Variants in DLC1 observed in about 807,000 individuals in gnomAD.
DLC1 encodes the protein DLC1 Rho GTPase activating protein.
Under a neutral mutation model 140.3 loss-of-function variants are expected in DLC1, and 54 were observed. That is an observed-to-expected ratio of 0.38 (90% confidence interval 0.31 to 0.48). DLC1 has a LOEUF of 0.48. DLC1 is among the 20% of genes least tolerant of loss of function. The probability of loss-of-function intolerance (pLI) is 0.96; values close to 1 mark genes in which losing one functional copy is unlikely to be tolerated. For missense variants in DLC1, 2,536 were observed against 1,907.0 expected (o/e 1.33, Z -6.14); for synonymous variants, 986 against 728.1 (o/e 1.35, Z -5.70).
intron 4 of DLC1, among the ~76,000 whole-genome samples, chr8:13,322,226 A>G (rs924056396): frequency 6.6e-6 from 1 of 152,192 alleles, no homozygotes; most frequent in Non-Finnish European, 1.5e-5. Context: ...TTTGATGAGT[A>G]CCCACTGCTG....
chr8:13,271,812 A>T (rs1830941301), intron 5 of DLC1, among the ~76,000 whole-genome samples: 2 of 152,144 alleles, frequency 1.3e-5, no homozygotes, highest in African/African-American at 2.4e-5. Context: ...AGCTCCTGGG[A>T]CTACAGATGG....
At chr8:13,352,219 C>T (rs1370584829) in intron 4 of DLC1, among the ~76,000 whole-genome samples, 1 of 152,214 alleles carries the variant, frequency 6.6e-6, no homozygotes, top group African/African-American at 2.4e-5. Context: ...TCCGAACACA[C>T]GCACGGCCCT....
intron 5 of DLC1, among the ~76,000 whole-genome samples, chr8:13,189,967 T>C (rs1009697043): frequency 6.6e-6 from 1 of 151,972 alleles, no homozygotes; most frequent in African/African-American, 2.4e-5. Context: ...GCCCAGCGCA[T>C]GGACAGAGGT....
intron 2 of DLC1, among the ~76,000 whole-genome samples, chr8:13,485,849 CTTTT>C (rs983093902): frequency 6.6e-6 from 1 of 152,136 alleles, no homozygotes; most frequent in African/African-American, 2.4e-5. Flanking sequence ...ACTTAGCATG[CTTTT>C]TGTTTCTAGT....
chr8:13,532,791 G>A lies in DLC1; in HGVS notation c.-125-32595C>T, dbSNP rs372975580. Among the ~76,000 whole-genome samples, 70 of 152,208 alleles carry A rather than the reference G, an allele frequency of 4.6e-4. 1 individual carries two copies. The South Asian group carries it at 0.014, about 31-fold the overall frequency. ...AACCACTGCCTTTTGGTATGTTTGT[G>A]TAATACTTCTTATTATAATTTCTCA... On this transcript the variant is annotated intron_variant, in intron 1 of 1. Coordinates refer to the DLC1 transcript ENST00000631382.
At chr8:13,563,778 CA>C (rs57734281) in intron 1 of DLC1, among the ~76,000 whole-genome samples, 1 of 151,898 alleles carries the variant, frequency 6.6e-6, no homozygotes, top group African/African-American at 2.4e-5. Flanking sequence ...TTTTTCATAG[CA>C]AAAAAACTAG....
chr8:13,551,262 C>T (rs1426186212), intron 1 of DLC1, among the ~76,000 whole-genome samples: 1 of 152,020 alleles, frequency 6.6e-6, no homozygotes. Flanking sequence ...GATGTTCAAT[C>T]TAGCATGCAT....
intron 2 of DLC1, among the ~76,000 whole-genome samples, chr8:13,445,351 C>G (rs1419696032): frequency 6.6e-6 from 1 of 152,064 alleles, no homozygotes; most frequent in African/African-American, 2.4e-5. Context: ...AGGAAGGAAG[C>G]AGGAAACTCT....
rs1554494786 is a variant in DLC1, at chr8:13,312,386, A to AAT, written c.1315-7085_1315-7084insAT. ...AAAAAAAAAAAAAAAAAAAAAAAAA[A>AAT]AATAATTTCTTTAGCAAGCTAGATA... On this transcript the variant is annotated intron_variant, in intron 4 of 17. Transcript: ENST00000276297. Among the ~76,000 whole-genome samples the AAT allele has an allele frequency of 9.8e-5, 8 of 81,700 alleles. 1 individual carries two copies. Among genetic ancestry groups the AAT allele is most frequent in the African/African-American group, 1.8e-4 (4 of 22,408 alleles). The allele number at this position is 81,700 out of a possible 152,430, so 53.6% of individuals were successfully genotyped here.
intron 5 of DLC1, among the ~76,000 whole-genome samples, chr8:13,146,547 T>A (rs767648495): frequency 3.3e-5 from 5 of 151,816 alleles, no homozygotes; most frequent in Non-Finnish European, 7.4e-5. Context: ...ATATTATTAA[T>A]AATAATAGTA....
intron 1 of DLC1, among the ~76,000 whole-genome samples, chr8:13,586,469 A>G (rs908996200): frequency 6.6e-6 from 1 of 152,094 alleles, no homozygotes; most frequent in Non-Finnish European, 1.5e-5. Context: ...AGATATAAGA[A>G]ATGTGTTCTC....
At chr8:13,435,832 T>C (rs1231030940) in intron 2 of DLC1, among the ~76,000 whole-genome samples, 61 of 152,116 alleles carry the variant, frequency 4.0e-4, no homozygotes, top group Admixed American at 3.9e-3. Flanking sequence ...AGAGAAGCGT[T>C]TTGTGAAAGG....
At chr8:13,406,801 A>G (rs1397576371) in intron 2 of DLC1, among the ~76,000 whole-genome samples, 2 of 152,204 alleles carry the variant, frequency 1.3e-5, no homozygotes, top group Admixed American at 1.3e-4. Flanking sequence ...AAGCAGACTA[A>G]GAATTTAGTG....
chr8:13,512,966 CTT>C (rs57239531), intron 1 of DLC1, among the ~76,000 whole-genome samples: 7,224 of 139,898 alleles, frequency 0.052, 551 homozygotes, highest in African/African-American at 0.17. Context: ...ACAGTTTTAC[CTT>C]TTTTTTTTTT....
intron 1 of DLC1, among the ~76,000 whole-genome samples, chr8:13,550,000 A>T (rs1803790339): frequency 6.6e-6 from 1 of 152,150 alleles, no homozygotes; most frequent in Non-Finnish European, 1.5e-5. Context: ...AAATTGAAGA[A>T]ATCAGTGAAG....
chr8:13,503,822 T>C (rs1294658115), intron 1 of DLC1, among the ~76,000 whole-genome samples: 2 of 152,226 alleles, frequency 1.3e-5, no homozygotes, highest in African/African-American at 2.4e-5. Flanking sequence ...GAAACTCCTG[T>C]AGACAAGGAT....
chr8:13,476,645 T>G (rs1800448372), intron 2 of DLC1, among the ~76,000 whole-genome samples: 1 of 152,126 alleles, frequency 6.6e-6, no homozygotes, highest in African/African-American at 2.4e-5. Context: ...CATAAGATGT[T>G]AGAGTTATGA....
intron 1 of DLC1, among the ~76,000 whole-genome samples, chr8:13,583,200 T>G (rs1805177435): frequency 6.6e-6 from 1 of 152,168 alleles, no homozygotes; most frequent in Non-Finnish European, 1.5e-5. Context: ...AGATGCTGTT[T>G]GATAGCATTT....
chr8:13,591,338 G>A (rs993125518), intron 1 of DLC1, among the ~76,000 whole-genome samples: 1 of 151,996 alleles, frequency 6.6e-6, no homozygotes, highest in Admixed American at 6.6e-5. Flanking sequence ...ATTAAATCAT[G>A]GGGGCAGTTG....
Sources: allele counts gnomAD v4.1 joint callset (sites outside exome capture counted in the v4.1 genomes callset), GRCh38; gene constraint gnomAD v4.1.1; transcripts MANE v1.5; gene names NCBI Gene and HGNC (gene_info 2026-07-23, HGNC 2026-07-21).